KAT2B: variants seen among roughly 807,000 people sequenced by gnomAD.
The protein encoded by KAT2B is histone acetyltransferase KAT2B.
KAT2B carries 36 observed loss-of-function variants against 105.9 expected under a neutral mutation model. The observed-to-expected ratio is 0.34, with a 90% CI of 0.26 to 0.45. KAT2B has a LOEUF of 0.45. KAT2B is among the 20% of genes least tolerant of loss of function. The pLI is 1.00. For missense variants in KAT2B, 820 were observed against 1,021.6 expected, an observed-to-expected ratio of 0.80 and a Z score of 2.69; for synonymous variants, 397 against 377.9, an observed-to-expected ratio of 1.05 and a Z score of -0.59.
chr3:20,113,139 C>A (rs1351635246), intron 6 of KAT2B, among the ~76,000 whole-genome samples: 2 of 152,188 alleles, frequency 1.3e-5, no homozygotes, highest in African/African-American at 2.4e-5. Flanking sequence ...ACTTAAACTG[C>A]AGTTTGGATG....
intron 1 of KAT2B, among the ~76,000 whole-genome samples, chr3:20,046,251 A>T (rs1697808851): frequency 6.6e-6 from 1 of 152,166 alleles, no homozygotes; most frequent in Non-Finnish European, 1.5e-5. Flanking sequence ...ACATTTAAGG[A>T]GTTTCATGGG....
At chr3:20,116,088 T>C (rs894032708) in intron 7 of KAT2B, among the ~76,000 whole-genome samples, 1 of 152,150 alleles carries the variant, frequency 6.6e-6, no homozygotes, top group Non-Finnish European at 1.5e-5. Flanking sequence ...GTCCTTTTTT[T>C]TTTTCTAACC....
chr3:20,133,962 T>C (rs1421356215), intron 11 of KAT2B, among the ~76,000 whole-genome samples: 1 of 152,222 alleles, frequency 6.6e-6, no homozygotes, highest in Non-Finnish European at 1.5e-5. Context: ...TTTTTTGTAT[T>C]GATTCTATAG....
intron 2 of KAT2B, among the ~76,000 whole-genome samples, chr3:20,080,944 A>C (rs560974776): frequency 1.3e-5 from 2 of 152,202 alleles, no homozygotes; most frequent in Non-Finnish European, 2.9e-5. Flanking sequence ...AAATTTACAT[A>C]TGTGGCTTGC....
chr3:20,115,107 A>G, intron 7 of KAT2B, 119 bp downstream of exon 7: 1 of 637,230 alleles, frequency 1.6e-6, no homozygotes. Flanking sequence ...TCTATAGTCA[A>G]ATGCTGGCTA....
At chr3:20,147,262 C>T (rs1229316681) in intron 14 of KAT2B, among the ~76,000 whole-genome samples, 1 of 152,106 alleles carries the variant, frequency 6.6e-6, no homozygotes, top group Admixed American at 6.5e-5. Flanking sequence ...TATGCTAAAT[C>T]CAGAAATTCT....
At chr3:20,118,681 G>C (rs1177283601) in intron 7 of KAT2B, among the ~76,000 whole-genome samples, 1 of 133,914 alleles carries the variant, frequency 7.5e-6, no homozygotes, top group African/African-American at 2.8e-5. Context: ...AGCCAAGATT[G>C]CACCACTGCA....
intron 17 of KAT2B, among the ~76,000 whole-genome samples, chr3:20,149,495 C>CA (rs56091316): frequency 0.03 from 1,253 of 41,952 alleles, 56 homozygotes; most frequent in South Asian, 0.045. Flanking sequence ...GACCGTATCT[C>CA]AAAAAAAAAA....
intron 11 of KAT2B, among the ~76,000 whole-genome samples, chr3:20,135,393 GC>G (rs1699583227): frequency 6.6e-6 from 1 of 152,124 alleles, no homozygotes; most frequent in Non-Finnish European, 1.5e-5. Flanking sequence ...GGTGGCTCAC[GC>G]CTGTAATCCC....
At chr3:20,062,133 A>ATATATAT (rs1698129347) in intron 1 of KAT2B, among the ~76,000 whole-genome samples, 1 of 95,498 alleles carries the variant, frequency 1.0e-5, no homozygotes, top group Non-Finnish European at 1.8e-5. Context: ...TATATATATA[A>ATATATAT]AATATATAAT....
At chr3:20,055,145 C>A (rs1217318046) in intron 1 of KAT2B, among the ~76,000 whole-genome samples, 1 of 151,962 alleles carries the variant, frequency 6.6e-6, no homozygotes, top group African/African-American at 2.4e-5. Context: ...TAGTTTAGAA[C>A]ATGGACCTGG....
In KAT2B at chr3:20,063,829, C is replaced by G. The variant is rs116860928; in HGVS notation, c.304-8504C>G. Among the ~76,000 whole-genome samples, 68 of 152,172 alleles carry G rather than the reference C, an allele frequency of 4.5e-4. No individual in the cohort carries two copies. The East Asian group carries it at 0.012, about 26-fold the overall frequency. Reference sequence around the variant, plus strand: ...GTGCTGGGATTACAGACGTGAGCCACCACGCCCGGCCGAGATTCACAATTT... The same window carrying G: ...GTGCTGGGATTACAGACGTGAGCCAGCACGCCCGGCCGAGATTCACAATTT... On this transcript the variant is annotated intron_variant, in intron 1 of 17. Coordinates refer to ENST00000263754, the MANE Select transcript of KAT2B (RefSeq NM_003884.5).
chr3:20,149,182 C>A (rs554730915), intron 17 of KAT2B, among the ~76,000 whole-genome samples: 32 of 152,168 alleles, frequency 2.1e-4, no homozygotes, highest in Admixed American at 8.5e-4. Flanking sequence ...GTGTGGGTGA[C>A]AACCAGTTGA....
chr3:20,085,414 A>G (rs1698594800), intron 2 of KAT2B, among the ~76,000 whole-genome samples: 1 of 152,136 alleles, frequency 6.6e-6, no homozygotes, highest in Non-Finnish European at 1.5e-5. Flanking sequence ...TTAGAAAGTG[A>G]TGAGGTAACG....
rs1699882142 is a variant in KAT2B, at chr3:20,152,320, T to C, written c.2306-12T>C. The C allele has an allele frequency of 6.3e-7, 1 of 1,599,684 alleles. No individual in the cohort carries two copies. The highest frequency in any genetic ancestry group is 1.3e-5 in the African/African-American group (1 of 74,452). Reference sequence around the variant, plus strand: ...GAGTCAAAGATTGCTAATATTTTTTTTTCCTGTGCAGATCTGAAAACCATG... The same window carrying C: ...GAGTCAAAGATTGCTAATATTTTTTCTTCCTGTGCAGATCTGAAAACCATG... On this transcript the variant is annotated splice_polypyrimidine_tract_variant and intron_variant, in intron 17 of 17. Transcript: ENST00000263754.
At chr3:20,060,222 T>C (rs1272635584) in intron 1 of KAT2B, among the ~76,000 whole-genome samples, 3 of 152,252 alleles carry the variant, frequency 2.0e-5, no homozygotes, top group Admixed American at 6.5e-5. Context: ...TGGATATATT[T>C]CTGTTTCTCT....
At position 20,099,816 on chromosome 3, in the gene KAT2B, A is replaced by T. The variant is rs62243131; in HGVS notation, c.577-46A>T. The T allele has an allele frequency of 1.2e-5, 12 of 963,746 alleles. No homozygotes were observed. The African/African-American group carries it at 2.0e-4, about 16-fold the overall frequency. The allele number at this position is 963,746 out of a possible 1,614,324, so 59.7% of individuals were successfully genotyped here. ...AGAGAGAGGAGAGAGAGATAGACAT[A>T]CCAATTAAGTTTTTCTTTTTCTTTT... On this transcript the variant is annotated intron_variant, in intron 3 of 17. Transcript: ENST00000263754.
intron 1 of KAT2B, among the ~76,000 whole-genome samples, chr3:20,062,002 T>TATATATTATATATAAAAC (rs1698118067): frequency 2.8e-5 from 2 of 71,340 alleles, no homozygotes; most frequent in African/African-American, 1.2e-4. Context: ...ATATAAAACA[T>TATATATTATATATAAAAC]ATAATATATA....
At chr3:20,132,313 C>T (rs11705766) in intron 11 of KAT2B, among the ~76,000 whole-genome samples, 48,668 of 152,030 alleles carry the variant, frequency 0.32, 9,670 homozygotes, top group Non-Finnish European at 0.46. Flanking sequence ...GTGGAGGTTG[C>T]GGTGAGCCAA....
Sources: allele counts gnomAD v4.1 joint callset (sites outside exome capture counted in the v4.1 genomes callset), GRCh38; gene constraint gnomAD v4.1.1; transcripts MANE v1.5; gene names NCBI Gene and HGNC (gene_info 2026-07-23, HGNC 2026-07-21).